The following TRAK2 variants were observed in gnomAD, a reference collection of about 807,000 sequenced individuals.
TRAK2 encodes trafficking kinesin protein 2, also known as trafficking kinesin-binding protein 2.
A neutral mutation model predicts 104.6 loss-of-function variants in TRAK2; 81 were observed. The ratio of observed to expected loss-of-function variants is 0.77; its 90% CI spans 0.65 to 0.93. The LOEUF (loss-of-function observed/expected upper bound fraction) is 0.93. Among genes scored for constraint, TRAK2 ranks in the 40% least tolerant of loss-of-function variants. The pLI is 0.00. For missense variants in TRAK2, 1,002 were observed against 1,089.0 expected (o/e 0.92, Z 1.12); for synonymous variants, 406 against 394.4 (o/e 1.03, Z -0.35).
chr2:201,386,530 C>T, intron 13 of TRAK2, 46 bp from the exon 14 acceptor site: 2 of 1,597,342 alleles, frequency 1.3e-6, no homozygotes, highest in Admixed American at 3.4e-5. Flanking sequence ...TTTTACATTT[C>T]CCACAAATCT....
At chr2:201,438,214 G>A (rs764820738) in intron 1 of TRAK2, among the ~76,000 whole-genome samples, 2 of 152,088 alleles carry the variant, frequency 1.3e-5, no homozygotes, top group Admixed American at 1.3e-4. Context: ...TAAAACAAAC[G>A]AAACTAGCAC....
intron 15 of TRAK2, among the ~76,000 whole-genome samples, chr2:201,383,151 T>C (rs561715551): frequency 6.6e-6 from 1 of 152,352 alleles, no homozygotes; most frequent in Admixed American, 6.5e-5. Context: ...TAAGGGACTA[T>C]ATATTAGAAT....
rs1952035093 is a variant in TRAK2, at chr2:201,451,384, G to C, written c.-234C>G. The C allele has an allele frequency of 6.6e-6, 1 of 152,202 alleles. No homozygotes were observed. Among genetic ancestry groups the C allele is most frequent in the South Asian group, 2.1e-4 (1 of 4,830 alleles). The allele number at this position is 152,202 out of a possible 1,614,324, so 9.4% of individuals were successfully genotyped here. A position where few individuals can be genotyped will look rare whatever the true frequency, so the allele number is the denominator to read the frequency against. On this transcript the variant is annotated 5_prime_UTR_variant, in exon 1 of 16. Coordinates refer to ENST00000332624, the MANE Select transcript of TRAK2 (RefSeq NM_015049.3). ...TCGGCATCCTCTGTCGTCCGCCCGCGCTTCCTCAGGAAGCCCCTAATGCAG... is the reference window on the plus strand; with the variant it reads ...TCGGCATCCTCTGTCGTCCGCCCGCCCTTCCTCAGGAAGCCCCTAATGCAG...
Position 201,379,511 on chromosome 2 carries a change from A to C in TRAK2, c.*1032T>G, listed in dbSNP as rs878971623. 1 of 152,606 alleles carries C rather than the reference A, an allele frequency of 6.6e-6. No individual in the cohort carries two copies. The highest frequency in any genetic ancestry group is 1.5e-5 in the Non-Finnish European group (1 of 68,034). 9.5% of individuals were successfully genotyped at this position (152,606 alleles called of 1,614,324 possible). A position where few individuals can be genotyped will look rare whatever the true frequency, so the allele number is the denominator to read the frequency against. ...TGCCTGAGAATTTTTGTGCAAATAC[A>C]TGTCATCTTTCATTAAAAATATGCA... is the stretch of plus-strand genomic sequence containing the variant. On this transcript the variant is annotated 3_prime_UTR_variant, in exon 16 of 16. Transcript: ENST00000332624.
intron 2 of TRAK2, among the ~76,000 whole-genome samples, chr2:201,410,252 G>C (rs1359586137): frequency 6.6e-6 from 1 of 151,864 alleles, no homozygotes; most frequent in African/African-American, 2.4e-5. Flanking sequence ...CTTGCAGTGA[G>C]CCGAGATCGC....
At chr2:201,437,122 T>C (rs187245877) in intron 1 of TRAK2, among the ~76,000 whole-genome samples, 2 of 152,286 alleles carry the variant, frequency 1.3e-5, no homozygotes, top group African/African-American at 4.8e-5. Flanking sequence ...ATAGACGCCT[T>C]TGGTTTGCCC....
intron 1 of TRAK2, among the ~76,000 whole-genome samples, chr2:201,438,553 G>A (rs1199824062): frequency 6.6e-6 from 1 of 152,170 alleles, no homozygotes; most frequent in Non-Finnish European, 1.5e-5. Context: ...ACCCAACTAT[G>A]TTTTTCCAAA....
In TRAK2 at chr2:201,387,738, A is replaced by AT. The variant is rs775532717; in HGVS notation, c.1660dup (p.Met554AsnfsTer12). On this transcript the variant is annotated frameshift_variant, in exon 13 of 16. Coordinates refer to ENST00000332624, the MANE Select transcript of TRAK2 (RefSeq NM_015049.3). LOFTEE classifies it high-confidence loss of function. Reference sequence around the variant, plus strand: ...CTTGACAATTTGTAATTTTTCTGGCATAAAACCTCGAAGGCAACTGGCACT... The same window carrying AT: ...CTTGACAATTTGTAATTTTTCTGGCATTAAAACCTCGAAGGCAACTGGCACT... 1 of 1,611,262 alleles carries AT rather than the reference A, an allele frequency of 6.2e-7. No individual in the cohort carries two copies. Among genetic ancestry groups the AT allele is most frequent in the South Asian group, 1.1e-5 (1 of 90,946 alleles).
rs769634179 is a variant in TRAK2 at position 201,389,905 on chromosome 2, T to C, written c.1114-25A>G. 9.5e-6 allele frequency: 15 copies of C among 1,585,114 alleles called. No homozygotes were observed. In the South Asian group the frequency reaches 1.1e-4, roughly 12 times the overall value. ...CCTAAGAAAAAGAGTTTGAGATTTC[T>C]AAAGTGATTGTTGCCCTTAAATTAA... On this transcript the variant is annotated intron_variant, in intron 10 of 15. Transcript: ENST00000332624.
At chr2:201,410,175 G>A (rs1327974085) in intron 2 of TRAK2, among the ~76,000 whole-genome samples, 8 of 152,086 alleles carry the variant, frequency 5.3e-5, no homozygotes, top group Non-Finnish European at 8.8e-5. Flanking sequence ...GGTGGCGGGC[G>A]CCTGCAGTCC....
In TRAK2 at chr2:201,380,351, A is replaced by G. The variant is rs1469483529; in HGVS notation, c.*192T>C. Reference sequence around the variant, plus strand: ...CTGAACACTCATGGCCCATTCATTTATACTTTCAATTTGCCCGACTTCCTC... The same window carrying G: ...CTGAACACTCATGGCCCATTCATTTGTACTTTCAATTTGCCCGACTTCCTC... On this transcript the variant is annotated 3_prime_UTR_variant, in exon 16 of 16. Coordinates refer to ENST00000332624, the MANE Select transcript of TRAK2 (RefSeq NM_015049.3). 9.6e-6 allele frequency: 6 copies of G among 628,080 alleles called. No individual in the cohort carries two copies. Among genetic ancestry groups the G allele is most frequent in the African/African-American group, 1.8e-5 (1 of 54,254 alleles). 38.9% of individuals were successfully genotyped at this position (628,080 alleles called of 1,614,324 possible). A position where few individuals can be genotyped will look rare whatever the true frequency, so the allele number is the denominator to read the frequency against.
chr2:201,433,616 C>G (rs1014147990), intron 1 of TRAK2: 1 of 152,074 alleles, frequency 6.6e-6, no homozygotes, highest in Non-Finnish European at 1.5e-5. Flanking sequence ...GAATATCTGC[C>G]GAGGCAGGCA....
intron 1 of TRAK2, among the ~76,000 whole-genome samples, chr2:201,422,028 T>C (rs982991389): frequency 7.7e-5 from 10 of 129,042 alleles, no homozygotes; most frequent in Admixed American, 7.6e-4. Context: ...CCAGCCTGGG[T>C]GACAGAGCAA....
At chr2:201,387,516 A>C (rs944756290) in intron 13 of TRAK2, among the ~76,000 whole-genome samples, 187 bp downstream of exon 13, 3 of 152,192 alleles carry the variant, frequency 2.0e-5, no homozygotes, top group Non-Finnish European at 2.9e-5. Flanking sequence ...GATTCAGAGA[A>C]TGCAACTCTC....
intron 11 of TRAK2, 149 bp from the exon 12 acceptor site, chr2:201,389,652 C>T: frequency 9.3e-7 from 1 of 1,073,818 alleles, no homozygotes; most frequent in South Asian, 1.5e-5. Context: ...AACAAGAGAA[C>T]TCTCTCACAA....
At chr2:201,392,024 G>C (rs1292085336) in intron 10 of TRAK2, among the ~76,000 whole-genome samples, 1 of 152,140 alleles carries the variant, frequency 6.6e-6, no homozygotes, top group Non-Finnish European at 1.5e-5. Flanking sequence ...GTTTATGTAG[G>C]ACAGTGTCCT....
chr2:201,424,435 G>GTA lies in TRAK2; in HGVS notation c.-199-3731_-199-3730dup, dbSNP rs1213872016. Among the ~76,000 whole-genome samples the GTA allele has an allele frequency of 3.9e-5, 6 of 152,228 alleles. No homozygotes were observed. The East Asian group carries it at 1.2e-3, about 29-fold the overall frequency. On this transcript the variant is annotated intron_variant, in intron 1 of 15. Coordinates refer to ENST00000332624, the MANE Select transcript of TRAK2 (RefSeq NM_015049.3). The stretch of plus-strand genomic sequence containing the variant: ...GAAATCTAAGAATAAATGTGCTAGT[G>GTA]TATAACCGGCTATCTAGTGAATGAT...
chr2:201,437,978 C>T (rs1243137341), intron 1 of TRAK2, among the ~76,000 whole-genome samples: 1 of 152,192 alleles, frequency 6.6e-6, no homozygotes, highest in Non-Finnish European at 1.5e-5. Context: ...ATCAAGATCA[C>T]ACATCCTGGC....
chr2:201,414,381 G>A (rs78367740), intron 2 of TRAK2, among the ~76,000 whole-genome samples: 1 of 152,290 alleles, frequency 6.6e-6, no homozygotes, highest in South Asian at 2.1e-4. Context: ...AAGAGATGTG[G>A]TATTTCCTTT....
Sources: gnomAD v4.1 joint callset for allele counts (sites outside exome capture counted in the v4.1 genomes callset) on GRCh38, gnomAD v4.1.1 for gene constraint, MANE v1.5 for transcripts, NCBI Gene and HGNC (gene_info 2026-07-23, HGNC 2026-07-21) for gene names.